DLG2: variants seen among roughly 807,000 people sequenced by gnomAD.
DLG2 encodes the protein disks large homolog 2.
A neutral mutation model predicts 132.5 loss-of-function variants in DLG2; 45 were observed. That is an observed-to-expected ratio of 0.34 (90% confidence interval 0.27 to 0.44). The LOEUF (loss-of-function observed/expected upper bound fraction) is 0.44, where lower values mean the gene tolerates loss of function less well. Ranked by LOEUF, DLG2 falls within the 20% of genes least tolerant of loss-of-function variation. DLG2 has a pLI of 1.00. For missense variants in DLG2, 1,045 were observed against 1,196.9 expected, an observed-to-expected ratio of 0.87 and a Z score of 1.87; for synonymous variants, 424 against 419.6, an observed-to-expected ratio of 1.01 and a Z score of -0.13.
intron 21 of DLG2, among the ~76,000 whole-genome samples, chr11:83,500,792 T>C (rs1045208500): frequency 1.3e-5 from 2 of 152,208 alleles, no homozygotes; most frequent in Non-Finnish European, 2.9e-5. Context: ...TAGATATTCA[T>C]GTTTGGAACT....
At chr11:84,463,605 T>A (rs899851788) in intron 7 of DLG2, among the ~76,000 whole-genome samples, 1 of 151,170 alleles carries the variant, frequency 6.6e-6, no homozygotes, top group Non-Finnish European at 1.5e-5. Flanking sequence ...ACTATCTGGG[T>A]GCATTGTACT....
intron 6 of DLG2, among the ~76,000 whole-genome samples, chr11:84,609,144 T>C (rs950355581): frequency 1.3e-5 from 2 of 152,160 alleles, no homozygotes; most frequent in South Asian, 2.1e-4. Flanking sequence ...ATTGGAGTGG[T>C]TTAGAATGCT....
chr11:84,549,728 A>T (rs2099397864), intron 6 of DLG2, among the ~76,000 whole-genome samples: 1 of 152,078 alleles, frequency 6.6e-6, no homozygotes, highest in Admixed American at 6.6e-5. Context: ...TGCTTAGGAA[A>T]TATAAGATTC....
intron 3 of DLG2, among the ~76,000 whole-genome samples, chr11:85,592,699 C>T (rs1565731676): frequency 6.6e-6 from 1 of 152,078 alleles, no homozygotes; most frequent in Admixed American, 6.6e-5. Flanking sequence ...GCCTGTAACC[C>T]CAGCACTTTG....
chr11:84,113,514 C>A (rs2093470035), intron 9 of DLG2, among the ~76,000 whole-genome samples: 1 of 152,072 alleles, frequency 6.6e-6, no homozygotes, highest in Non-Finnish European at 1.5e-5. Flanking sequence ...TGGTCAATAG[C>A]AAAATTTGAA....
intron 6 of DLG2, among the ~76,000 whole-genome samples, chr11:84,803,546 G>C (rs1048449509): frequency 3.3e-5 from 5 of 152,156 alleles, no homozygotes; most frequent in Non-Finnish European, 7.4e-5. Context: ...CAGTGATTTA[G>C]ACTCAGGGTT....
chr11:83,864,191 C>T (rs1303672288), intron 16 of DLG2, among the ~76,000 whole-genome samples: 1 of 152,194 alleles, frequency 6.6e-6, no homozygotes, highest in Non-Finnish European at 1.5e-5. Flanking sequence ...ATAAAAATTA[C>T]TGAAATTCCA....
chr11:84,635,315 G>A (rs1307621343), intron 6 of DLG2, among the ~76,000 whole-genome samples: 1 of 151,910 alleles, frequency 6.6e-6, no homozygotes, highest in Non-Finnish European at 1.5e-5. Context: ...CCCTTCCTTG[G>A]GGCCAATACT....
At chr11:84,326,497 G>A (rs1391871274) in intron 7 of DLG2, among the ~76,000 whole-genome samples, 1 of 152,078 alleles carries the variant, frequency 6.6e-6, no homozygotes, top group Non-Finnish European at 1.5e-5. Context: ...TTGGTTAAGA[G>A]TGAGTTGTTT....
chr11:85,372,371 G>A (rs1163780768), intron 3 of DLG2, among the ~76,000 whole-genome samples: 1 of 152,142 alleles, frequency 6.6e-6, no homozygotes, highest in Non-Finnish European at 1.5e-5. Flanking sequence ...TCCCTTGGAG[G>A]AGAACTCAGT....
chr11:84,452,145 A>G (rs144778195), intron 7 of DLG2, among the ~76,000 whole-genome samples: 1 of 151,256 alleles, frequency 6.6e-6, no homozygotes, highest in African/African-American at 2.4e-5. Context: ...GAGGAGGAGG[A>G]GATGAGGAAG....
chr11:85,484,331 A>C (rs2093376193), intron 3 of DLG2, among the ~76,000 whole-genome samples: 1 of 147,590 alleles, frequency 6.8e-6, no homozygotes, highest in African/African-American at 2.5e-5. Context: ...CAATGGCAAC[A>C]AAAGCCAAAA....
At chr11:85,484,956 T>C (rs1213571364) in intron 3 of DLG2, among the ~76,000 whole-genome samples, 2 of 152,180 alleles carry the variant, frequency 1.3e-5, no homozygotes, top group African/African-American at 4.8e-5. Context: ...CCAACCCAAA[T>C]GTCCGACAAT....
chr11:84,853,272 C>T (rs2082369429), intron 6 of DLG2, among the ~76,000 whole-genome samples: 1 of 151,900 alleles, frequency 6.6e-6, no homozygotes, highest in Non-Finnish European at 1.5e-5. Flanking sequence ...TTTTGAAAGG[C>T]AAACGTGACC....
intron 8 of DLG2, among the ~76,000 whole-genome samples, chr11:84,180,612 T>C (rs893658927): frequency 4.6e-5 from 7 of 152,092 alleles, no homozygotes; most frequent in Non-Finnish European, 8.8e-5. Flanking sequence ...ATAACTGGCA[T>C]CTAGGCATAC....
At chr11:84,416,370 A>C (rs2098929736) in intron 7 of DLG2, among the ~76,000 whole-genome samples, 1 of 152,224 alleles carries the variant, frequency 6.6e-6, no homozygotes, top group South Asian at 2.1e-4. Flanking sequence ...ATGGATGTAC[A>C]GCAAAACTGA....
chr11:84,197,274 A>C (rs1251512483), intron 8 of DLG2, among the ~76,000 whole-genome samples: 1 of 151,936 alleles, frequency 6.6e-6, no homozygotes, highest in East Asian at 1.9e-4. Context: ...GTCCCTAATG[A>C]CTCTTACATT....
chr11:84,828,980 T>C (rs1318213322), intron 6 of DLG2, among the ~76,000 whole-genome samples: 1 of 151,678 alleles, frequency 6.6e-6, no homozygotes, highest in Admixed American at 6.6e-5. Context: ...AAATCAATGG[T>C]GAGTCTCTGG....
chr11:85,395,408 C>A (rs1285934153), intron 3 of DLG2, among the ~76,000 whole-genome samples: 2 of 152,058 alleles, frequency 1.3e-5, no homozygotes, highest in Non-Finnish European at 2.9e-5. Flanking sequence ...ACTGGTTGGA[C>A]AGTGGGTGCA....
Sources: gnomAD v4.1 joint callset for allele counts (sites outside exome capture counted in the v4.1 genomes callset) on GRCh38, gnomAD v4.1.1 for gene constraint, MANE v1.5 for transcripts, NCBI Gene and HGNC (gene_info 2026-07-23, HGNC 2026-07-21) for gene names.